Variants in PRAME observed in about 807,000 individuals in gnomAD.
PRAME encodes the protein melanoma antigen preferentially expressed in tumors.
A neutral mutation model predicts 32.1 loss-of-function variants in PRAME; 21 were observed. The observed-to-expected ratio is 0.65, with a 90% CI of 0.46 to 0.94. PRAME has a LOEUF of 0.94. Ranked by LOEUF, PRAME falls within the 40% of genes least tolerant of loss-of-function variation. The probability of loss-of-function intolerance (pLI) is 0.00; values close to 1 mark genes in which losing one functional copy is unlikely to be tolerated. For synonymous variants in PRAME, 274 were observed against 251.5 expected, an observed-to-expected ratio of 1.09 and a Z score of -0.85; for missense variants, 651 against 622.3, an observed-to-expected ratio of 1.05 and a Z score of -0.49.
In PRAME at chr22:22,547,959, A is replaced by G. The variant is rs2062341522; in HGVS notation, c.*108T>C. On this transcript the variant is annotated 3_prime_UTR_variant, in exon 6 of 6. Transcript: ENST00000405655. Reference sequence around the variant, plus strand: ...CACTGAACATGTTTTCCTCACTCACACTGAACATTTGTCTGAAACTGTGGC... The same window carrying G: ...CACTGAACATGTTTTCCTCACTCACGCTGAACATTTGTCTGAAACTGTGGC... The G allele has an allele frequency of 1.6e-6, 2 of 1,220,556 alleles. No homozygotes were observed. Among genetic ancestry groups the G allele is most frequent in the Non-Finnish European group, 2.3e-6 (2 of 866,212 alleles). 75.6% of individuals were successfully genotyped at this position (1,220,556 alleles called of 1,614,324 possible).
chr22:22,554,114 A>G (rs958688760), intron 3 of PRAME: 1 of 985,020 alleles, frequency 1.0e-6, no homozygotes, highest in South Asian at 4.7e-5. Flanking sequence ...AATTGAAGTT[A>G]TATTTGGCAT....
At chr22:22,554,894 C>A (rs141442519) in intron 3 of PRAME, among the ~76,000 whole-genome samples, 1 of 151,890 alleles carries the variant, frequency 6.6e-6, no homozygotes, top group Non-Finnish European at 1.5e-5. Context: ...GAGGAGGAAC[C>A]GCGATCAAGT....
At chr22:22,551,482 G>A (rs2062564646) in intron 3 of PRAME, among the ~76,000 whole-genome samples, 1 of 151,952 alleles carries the variant, frequency 6.6e-6, no homozygotes, top group African/African-American at 2.4e-5. Flanking sequence ...GCCCAGGACA[G>A]CATCCTTCTC....
At chr22:22,554,216 C>G (rs1406383410) in intron 3 of PRAME, 1 of 985,072 alleles carries the variant, frequency 1.0e-6, no homozygotes, top group Non-Finnish European at 1.2e-6. Flanking sequence ...AAAGAATTCT[C>G]CAGGCCATTC....
chr22:22,549,205 CT>C (rs939355009), intron 5 of PRAME, among the ~76,000 whole-genome samples: 6 of 151,908 alleles, frequency 3.9e-5, no homozygotes, highest in African/African-American at 1.5e-4. Context: ...TGCAATTTCT[CT>C]GTTGTTCCTT....
At chr22:22,549,018 G>A (rs969234096) in intron 5 of PRAME, among the ~76,000 whole-genome samples, 3 of 151,726 alleles carry the variant, frequency 2.0e-5, no homozygotes, top group African/African-American at 4.8e-5. Context: ...CTTTCAACTC[G>A]GGCTTCCTTC....
rs745731202 is a variant in PRAME at position 22,550,145 on chromosome 22, G to C, written c.534C>G (p.Leu178=). The C allele has an allele frequency of 5.6e-5, 91 of 1,613,674 alleles. No individual in the cohort carries two copies. Among genetic ancestry groups the C allele is most frequent in the Non-Finnish European group, 7.6e-5 (90 of 1,179,966 alleles). ...AEQPFIPVEV[L]VDLFLKEGAC... The stretch of plus-strand genomic sequence containing the variant: ...CACCTTCCTTGAGGAACAGGTCTAC[G>C]AGCACCTCTACTGGAATGAAGGGCT... Residue 178 remains leucine, a synonymous_variant, in exon 5 of 6, where the codon CTC becomes CTG. Transcript: ENST00000405655.
chr22:22,550,433 C>G (rs1268149714), intron 4 of PRAME, 99 bp from the exon 5 acceptor site: 6 of 1,438,080 alleles, frequency 4.2e-6, no homozygotes, highest in Non-Finnish European at 5.6e-6. Flanking sequence ...AAACAGACAT[C>G]CACCTTAGAT....
chr22:22,556,871 T>G lies in PRAME; in HGVS notation c.-39A>C, dbSNP rs1308057612. ...AGGCTGGCCTCAGGACCTCCAACGCTTGGATTTCTAGGTCTCAGTCACTTG... is the reference window on the plus strand; with the variant it reads ...AGGCTGGCCTCAGGACCTCCAACGCGTGGATTTCTAGGTCTCAGTCACTTG... On this transcript the variant is annotated 5_prime_UTR_variant, in exon 3 of 6. Transcript: ENST00000405655. 8.1e-6 allele frequency: 13 copies of G among 1,612,610 alleles called. No homozygotes were observed. Among genetic ancestry groups the G allele is most frequent in the Non-Finnish European group, 1.1e-5 (13 of 1,179,736 alleles).
In PRAME at chr22:22,549,801, A is replaced by G. The variant is rs1569215792; in HGVS notation, c.878T>C (p.Leu293Pro). ...GAGAGCCTGCAGGCACTGCAGACTGAGGAACTGAGAGGTGAACTGGGCGAT... is the reference window on the plus strand; with the variant it reads ...GAGAGCCTGCAGGCACTGCAGACTGGGGAACTGAGAGGTGAACTGGGCGAT... ...QYIAQFTSQFLSLQCLQALYV... is the reference protein window; with the variant it reads ...QYIAQFTSQFPSLQCLQALYV... Residue 293 changes from leucine (L) to proline (P), a missense_variant, in exon 5 of 6, where the codon CTC becomes CCC. Physicochemically the swap from Leu to Pro is moderately conservative, Grantham distance 98. Coordinates refer to ENST00000405655, the MANE Select transcript of PRAME (RefSeq NM_206956.3). 6 of 1,613,810 alleles carry G rather than the reference A, an allele frequency of 3.7e-6. No individual in the cohort carries two copies. The South Asian group carries it at 6.6e-5, about 18-fold the overall frequency.
chr22:22,550,220 C>G lies in PRAME; in HGVS notation c.459G>C (p.Gln153His), dbSNP rs747144734. ...CTACTTTTCGCTTCTTTGTCATGGG[C>G]TGAGCTGCTTCTGGCTCTGGAAATG... ...LYSFPEPEAA[Q>H]PMTKKRKVDG... The change falls in exon 5 of 6, where the codon CAG (glutamine) becomes CAC (histidine). Residue 153 changes from glutamine (Q) to histidine (H), a missense_variant. By Grantham distance (24) the Gln-to-His change is conservative (BLOSUM62 0). Transcript: ENST00000405655. The G allele has an allele frequency of 6.2e-7, 1 of 1,613,722 alleles. No homozygotes were observed. The highest frequency in any genetic ancestry group is 8.5e-7 in the Non-Finnish European group (1 of 1,179,978).
chr22:22,551,021 T>G lies in PRAME; in HGVS notation c.90A>C (p.Ala30=). 6.2e-7 allele frequency: 1 copy of G among 1,611,752 alleles called. No homozygotes were observed. The highest frequency in any genetic ancestry group is 8.5e-7 in the Non-Finnish European group (1 of 1,178,564). ...CCTCATCCTTCAGCAGGCTCTGCCC[T>G]GCCAGCTCCACAAGTCTCCGTGGGC... ...WTSPRRLVEL[A]GQSLLKDEAL... Residue 30 remains alanine (A), a synonymous_variant, in exon 4 of 6, where the codon GCA becomes GCC. Coordinates refer to ENST00000405655, the MANE Select transcript of PRAME (RefSeq NM_206956.3).
Position 22,548,285 on chromosome 22 carries a change from G to C in PRAME, c.1312C>G (p.His438Asp). ...QHLIGLSNLT[H>D]VLYPVPLESY... ...TCCAGGGGGACAGGATACAGCACGT[G>C]GGTCAGATTGCTCAGCCCGATGAGG... Residue 438 changes from histidine to aspartate, a missense_variant, in exon 6 of 6, where the codon CAC (histidine) becomes GAC (aspartate). Transcript: ENST00000405655. The C allele has an allele frequency of 6.2e-7, 1 of 1,613,792 alleles. No homozygotes were observed. The highest frequency in any genetic ancestry group is 8.5e-7 in the Non-Finnish European group (1 of 1,179,948).
In PRAME at chr22:22,548,118, T is replaced by A. The variant is rs754460123; in HGVS notation, c.1479A>T (p.Arg493Ser). 2 of 1,613,686 alleles carry A rather than the reference T, an allele frequency of 1.2e-6. No homozygotes were observed. The highest frequency in any genetic ancestry group is 1.7e-6 in the Non-Finnish European group (2 of 1,179,890). ...GGATGGGCTCCGGGTCATAGAAGGTTCTGTCCCCACAGTGAGGACAGGGGT... is the reference window on the plus strand; with the variant it reads ...GGATGGGCTCCGGGTCATAGAAGGTACTGTCCCCACAGTGAGGACAGGGGT... ...SANPCPHCGD[R>S]TFYDPEPILC... The change falls in exon 6 of 6, where the codon AGA becomes AGT. Residue 493 changes from arginine (R) to serine (S), a missense_variant. Physicochemically the swap from Arg to Ser is moderately radical, Grantham distance 110. Transcript: ENST00000405655.
At chr22:22,553,780 A>G in intron 3 of PRAME, 7 of 984,364 alleles carry the variant, frequency 7.1e-6, no homozygotes, top group Non-Finnish European at 8.4e-6. Context: ...AAAGAAATAA[A>G]CAAGGGCTGA....
chr22:22,547,833 G>GTATA lies in PRAME; in HGVS notation c.*233_*234insTATA. 1 of 569,922 alleles carries GTATA rather than the reference G, an allele frequency of 1.8e-6. No homozygotes were observed. The highest frequency in any genetic ancestry group is 3.3e-5 in the Admixed American group (1 of 30,080). The allele number at this position is 569,922 out of a possible 1,614,324, so 35.3% of individuals were successfully genotyped here. On this transcript the variant is annotated 3_prime_UTR_variant, in exon 6 of 6. Coordinates refer to ENST00000405655, the MANE Select transcript of PRAME (RefSeq NM_206956.3). ...GATTCTATTTCTAACTCTATAAGAT[G>GTATA]TATCTCCCCAAAGATCACATTAACT...
Position 22,555,931 on chromosome 22 carries a change from A to C in PRAME, c.21+881T>G, listed in dbSNP as rs1359798301. ...GAAGTGTGGGCTTTTGCGTCTGATT[A>C]CCCCGGGGAAAGGTTCTGAATGTAA... On this transcript the variant is annotated intron_variant, in intron 3 of 5. Transcript: ENST00000405655. 7 of 468,740 alleles carry C rather than the reference A, an allele frequency of 1.5e-5. No homozygotes were observed. In the East Asian group the frequency reaches 4.9e-4, roughly 33 times the overall value. The allele number at this position is 468,740 out of a possible 1,614,324, so 29.0% of individuals were successfully genotyped here.
intron 3 of PRAME, among the ~76,000 whole-genome samples, chr22:22,554,522 G>GTCAT (rs1185816291): frequency 6.6e-6 from 1 of 151,842 alleles, no homozygotes; most frequent in Admixed American, 6.6e-5. Context: ...AGTAATAAAG[G>GTCAT]TCATTGTCAA....
chr22:22,557,105 G>A (rs550454799), intron 2 of PRAME, 196 bp from the exon 3 acceptor site: 4 of 542,326 alleles, frequency 7.4e-6, no homozygotes, highest in East Asian at 3.2e-5. Context: ...GGGGGCAGGA[G>A]GAACAACAGA....
Sources: gnomAD v4.1 joint callset for allele counts (sites outside exome capture counted in the v4.1 genomes callset) on GRCh38, gnomAD v4.1.1 for gene constraint, MANE v1.5 for transcripts, NCBI Gene and HGNC (gene_info 2026-07-23, HGNC 2026-07-21) for gene names.